Variants in MACROD2 observed in about 807,000 individuals in gnomAD.
The protein encoded by MACROD2 is ADP-ribose glycohydrolase MACROD2.
A neutral mutation model predicts 70.4 loss-of-function variants in MACROD2; 36 were observed. The observed-to-expected ratio is 0.51, with a 90% CI of 0.39 to 0.68. The LOEUF is 0.68. MACROD2 is among the 30% of genes least tolerant of loss of function. The probability of loss-of-function intolerance (pLI) is 0.00; values close to 1 mark genes in which losing one functional copy is unlikely to be tolerated. For missense variants in MACROD2, 496 were observed against 538.4 expected (o/e 0.92, Z 0.78); for synonymous variants, 172 against 178.8 (o/e 0.96, Z 0.30).
At chr20:14,981,079 C>T (rs937164314) in intron 5 of MACROD2, among the ~76,000 whole-genome samples, 5 of 147,278 alleles carry the variant, frequency 3.4e-5, no homozygotes, top group African/African-American at 1.3e-4. Context: ...TGTGTGTGTC[C>T]CACCTAACTT....
chr20:15,080,388 T>C (rs538132420), intron 5 of MACROD2, among the ~76,000 whole-genome samples: 23 of 152,266 alleles, frequency 1.5e-4, no homozygotes, highest in African/African-American at 5.3e-4. Context: ...TATCTTAATA[T>C]GCACTGCCGC....
At chr20:14,374,367 C>T (rs895126960) in intron 3 of MACROD2, among the ~76,000 whole-genome samples, 4 of 152,082 alleles carry the variant, frequency 2.6e-5, no homozygotes, top group Non-Finnish European at 2.9e-5. Flanking sequence ...CAAAATACTG[C>T]GGAGCTTTAA....
chr20:15,271,083 A>T lies in MACROD2; in HGVS notation c.540+41022A>T, dbSNP rs141262367. 1.8e-4 allele frequency among the ~76,000 whole-genome samples: 27 copies of T among 152,234 alleles called. No individual in the cohort carries two copies. The East Asian group carries it at 5.2e-3, about 29-fold the overall frequency. The stretch of plus-strand genomic sequence containing the variant: ...ACAAAATCTAGACCCCAAATGACCA[A>T]TCTCTCTCTCAATTTGTTCTAGCTG... On this transcript the variant is annotated intron_variant, in intron 6 of 17. Transcript: ENST00000684519.
intron 5 of MACROD2, among the ~76,000 whole-genome samples, chr20:15,025,729 G>C (rs1473326616): frequency 1.3e-5 from 2 of 152,128 alleles, no homozygotes; most frequent in Admixed American, 6.5e-5. Flanking sequence ...GTGCTGTCCT[G>C]TGCATTGTGG....
At chr20:15,254,760 CAG>C (rs1183878665) in intron 6 of MACROD2, among the ~76,000 whole-genome samples, 1 of 151,938 alleles carries the variant, frequency 6.6e-6, no homozygotes, top group South Asian at 2.1e-4. Context: ...AACAAAGAAA[CAG>C]AGAATCAGAG....
In MACROD2 at chr20:15,141,596, CAT is replaced by C. The variant is rs2076192975; in HGVS notation, c.419-88343_419-88342del. On this transcript the variant is annotated intron_variant, in intron 5 of 17. Transcript: ENST00000684519. Reference sequence around the variant, plus strand: ...AAAGTACACCTGCTCTTCACATTCACATGTTTAATTCGTACCTTTCTAATGCC... The same window carrying C: ...AAAGTACACCTGCTCTTCACATTCACGTTTAATTCGTACCTTTCTAATGCC... 2.0e-5 allele frequency among the ~76,000 whole-genome samples: 3 copies of C among 152,278 alleles called. No individual in the cohort carries two copies. In the South Asian group the frequency reaches 6.2e-4, roughly 32 times the overall value.
chr20:14,641,182 T>C (rs1985071596), intron 4 of MACROD2, among the ~76,000 whole-genome samples: 1 of 152,214 alleles, frequency 6.6e-6, no homozygotes, highest in Non-Finnish European at 1.5e-5. Context: ...CAAGAAACTA[T>C]TTTCTTTACT....
At chr20:15,425,502 T>TATCAG (rs1252457986) in intron 6 of MACROD2, among the ~76,000 whole-genome samples, 1 of 152,230 alleles carries the variant, frequency 6.6e-6, no homozygotes, top group Non-Finnish European at 1.5e-5. Flanking sequence ...ATGGAAGGTA[T>TATCAG]ATCAGGTAGC....
intron 3 of MACROD2, among the ~76,000 whole-genome samples, chr20:14,095,269 A>T (rs926127141): frequency 1.3e-5 from 2 of 152,208 alleles, no homozygotes; most frequent in Non-Finnish European, 2.9e-5. Context: ...TTAAAAAAAA[A>T]TTGTGGGAAA....
chr20:15,403,169 T>C (rs1280358602), intron 6 of MACROD2, among the ~76,000 whole-genome samples: 1 of 152,086 alleles, frequency 6.6e-6, no homozygotes, highest in Admixed American at 6.6e-5. Context: ...GGTTTCACTA[T>C]GTTGGCCAGG....
At chr20:15,083,299 G>A (rs529440268) in intron 5 of MACROD2, among the ~76,000 whole-genome samples, 3 of 152,128 alleles carry the variant, frequency 2.0e-5, no homozygotes, top group African/African-American at 4.8e-5. Flanking sequence ...GATTCTGCAA[G>A]ATGTAGGCCC....
At chr20:14,572,795 A>C (rs1980285431) in intron 4 of MACROD2, among the ~76,000 whole-genome samples, 1 of 151,896 alleles carries the variant, frequency 6.6e-6, no homozygotes, top group Admixed American at 6.6e-5. Context: ...AGCACATGAA[A>C]ATTCACTGGG....
At chr20:15,593,641 A>G (rs1347390497) in intron 8 of MACROD2, among the ~76,000 whole-genome samples, 1 of 152,238 alleles carries the variant, frequency 6.6e-6, no homozygotes, top group Non-Finnish European at 1.5e-5. Flanking sequence ...GCTTGTGGGT[A>G]TAGAAATTTC....
chr20:15,995,678 AAG>A (rs2066621266), intron 15 of MACROD2, among the ~76,000 whole-genome samples: 2 of 53,828 alleles, frequency 3.7e-5, no homozygotes, highest in African/African-American at 6.6e-5. Context: ...TTAACTTTTT[AAG>A]ATTCCTCATA....
intron 3 of MACROD2, among the ~76,000 whole-genome samples, chr20:14,429,748 A>G (rs1478910191): frequency 6.6e-6 from 1 of 152,108 alleles, no homozygotes; most frequent in African/African-American, 2.4e-5. Flanking sequence ...GGGAATGGAG[A>G]GGAGTTAACA....
At chr20:14,188,230 A>G (rs944224007) in intron 3 of MACROD2, among the ~76,000 whole-genome samples, 1 of 152,128 alleles carries the variant, frequency 6.6e-6, no homozygotes, top group African/African-American at 2.4e-5. Context: ...CTGGGGCTAA[A>G]TCCTAGGAAT....
intron 6 of MACROD2, among the ~76,000 whole-genome samples, chr20:15,253,452 A>G (rs1016816777): frequency 2.0e-5 from 3 of 152,226 alleles, no homozygotes; most frequent in Admixed American, 6.5e-5. Flanking sequence ...AAGATAAGAT[A>G]TCATTTCCCC....
At position 14,684,903 on chromosome 20, in the gene MACROD2, A is replaced by G; in HGVS notation, c.362A>G (p.Asn121Ser). ...TTGCTAGCTGAATGTCGTAACCTGA[A>G]TGGCTGTGATACTGGACATGCAAAA... Reference protein sequence around the residue: ...PCLLAECRNLNGCDTGHAKIT... With the variant: ...PCLLAECRNLSGCDTGHAKIT... Residue 121 changes from asparagine to serine, a missense_variant, in exon 5 of 18, where the codon AAT becomes AGT. Coordinates refer to ENST00000684519, the MANE Select transcript of MACROD2 (RefSeq NM_001351661.2). 6.2e-7 allele frequency: 1 copy of G among 1,614,008 alleles called. No individual in the cohort carries two copies. Among genetic ancestry groups the G allele is most frequent in the Non-Finnish European group, 8.5e-7 (1 of 1,179,930 alleles).
At chr20:15,090,237 A>G (rs996684079) in intron 5 of MACROD2, among the ~76,000 whole-genome samples, 1 of 152,000 alleles carries the variant, frequency 6.6e-6, no homozygotes, top group Non-Finnish European at 1.5e-5. Context: ...GCAGGAATGA[A>G]TTGTTCAATG....
Sources: gnomAD v4.1 joint callset for allele counts (sites outside exome capture counted in the v4.1 genomes callset) on GRCh38, gnomAD v4.1.1 for gene constraint, MANE v1.5 for transcripts, NCBI Gene and HGNC (gene_info 2026-07-23, HGNC 2026-07-21) for gene names.